The following MYADM variants were observed in gnomAD, a reference collection of about 807,000 sequenced individuals.
MYADM encodes the protein myeloid associated differentiation marker.
For synonymous variants in MYADM, 224 were observed against 210.2 expected, an observed-to-expected ratio of 1.07 and a Z score of -0.57; for missense variants, 416 against 443.4, an observed-to-expected ratio of 0.94 and a Z score of 0.56.
Position 53,876,397 on chromosome 19 carries a change from G to C in MYADM, c.*1899G>C, listed in dbSNP as rs2068539237. 6.0e-6 allele frequency: 1 copy of C among 166,356 alleles called. No homozygotes were observed. 10.3% of individuals were successfully genotyped at this position (166,356 alleles called of 1,614,324 possible). Reference sequence around the variant, plus strand: ...CTTCCCCCATTCCCGTATCCATCATGTTCTTTTTCTTTTAAATATCAATAT... The same window carrying C: ...CTTCCCCCATTCCCGTATCCATCATCTTCTTTTTCTTTTAAATATCAATAT... On this transcript the variant is annotated 3_prime_UTR_variant, in exon 3 of 3. Coordinates refer to ENST00000391770, the MANE Select transcript of MYADM (RefSeq NM_138373.5).
chr19:53,869,404 G>A (rs888184317), intron 1 of MYADM: 5 of 152,276 alleles, frequency 3.3e-5, no homozygotes, highest in Admixed American at 2.6e-4. Flanking sequence ...CCAGATGCCT[G>A]GGCCGACTCG....
At position 53,874,659 on chromosome 19, in the gene MYADM, A is replaced by G. The variant is rs1355059702; in HGVS notation, c.*161A>G. 2 of 735,206 alleles carry G rather than the reference A, an allele frequency of 2.7e-6. No homozygotes were observed. The highest frequency in any genetic ancestry group is 6.1e-5 in the East Asian group (2 of 32,540). 45.5% of individuals were successfully genotyped at this position (735,206 alleles called of 1,614,324 possible). ...TTCCTTCCCAATTCCTTGCACTCTA[A>G]CCAGTTCTTGGATGCATCTTCTTCC... is the stretch of plus-strand genomic sequence containing the variant. On this transcript the variant is annotated 3_prime_UTR_variant, in exon 3 of 3. Coordinates refer to ENST00000391770, the MANE Select transcript of MYADM (RefSeq NM_138373.5).
chr19:53,871,186 G>A (rs760224003), intron 2 of MYADM, among the ~76,000 whole-genome samples: 1 of 152,252 alleles, frequency 6.6e-6, no homozygotes, highest in South Asian at 2.1e-4. Context: ...AGTCAAGATC[G>A]CACCATTGCA....
Position 53,875,555 on chromosome 19 carries a change from A to AG in MYADM, c.*1057_*1058insG, listed in dbSNP as rs1486594961. The AG allele has an allele frequency of 1.2e-5, 2 of 162,738 alleles. No individual in the cohort carries two copies. Among genetic ancestry groups the AG allele is most frequent in the Admixed American group, 1.3e-4 (2 of 15,022 alleles). The allele number at this position is 162,738 out of a possible 1,614,324, so 10.1% of individuals were successfully genotyped here. On this transcript the variant is annotated 3_prime_UTR_variant, in exon 3 of 3. Coordinates refer to ENST00000391770, the MANE Select transcript of MYADM (RefSeq NM_138373.5). Reference sequence around the variant, plus strand: ...GGTATCAAAAAGAAAAAAAAAAAAAAAGAAGGAGTCGGGGCCGGGCGTGGT... The same window carrying AG: ...GGTATCAAAAAGAAAAAAAAAAAAAAGAGAAGGAGTCGGGGCCGGGCGTGGT...
Position 53,868,598 on chromosome 19 carries a change from C to G in MYADM, c.-88+655C>G, listed in dbSNP as rs1036631881. 6.6e-6 allele frequency among the ~76,000 whole-genome samples: 1 copy of G among 152,154 alleles called. No individual in the cohort carries two copies. The highest frequency in any genetic ancestry group is 1.5e-5 in the Non-Finnish European group (1 of 68,016). On this transcript the variant is annotated intron_variant, in intron 1 of 2. Coordinates refer to ENST00000391770, the MANE Select transcript of MYADM (RefSeq NM_138373.5). The surrounding 1 kb of genome is among the most constrained non-coding windows in gnomAD (Gnocchi z 6.3). ...GCTGGGAAAGGAGGAGAAGACAGGG[C>G]TGCGTCCCGCACCTCTGGGTGCCGA...
Position 53,873,731 on chromosome 19 carries a change from T to G in MYADM, c.202T>G (p.Ser68Ala). Residue 68 changes from serine to alanine, a missense_variant, in exon 3 of 3, where the codon TCC (serine) becomes GCC (alanine). By Grantham distance (99) the Ser-to-Ala change is moderately conservative (BLOSUM62 1). Coordinates refer to ENST00000391770, the MANE Select transcript of MYADM (RefSeq NM_138373.5). This position sits in a 1 kb window ranked among gnomAD's most constrained non-coding sequence, Gnocchi z 4.3. ...CTGGACGGGGTCCATGGGCAACTGG[T>G]CCATGTTCACCTGGTGCTTCTGCTT... The part of the protein sequence containing the change: ...GAWTGSMGNW[S>A]MFTWCFCFSV... The G allele has an allele frequency of 6.2e-7, 1 of 1,614,048 alleles. No homozygotes were observed. The highest frequency in any genetic ancestry group is 8.5e-7 in the Non-Finnish European group (1 of 1,180,026).
rs2068445624 is a variant in MYADM at position 53,873,723 on chromosome 19, G to C, written c.194G>C (p.Gly65Ala). ...GTGGGCGCCTGGACGGGGTCCATGG[G>C]CAACTGGTCCATGTTCACCTGGTGC... is the stretch of plus-strand genomic sequence containing the variant. Reference protein sequence around the residue: ...ASVGAWTGSMGNWSMFTWCFC... With the variant: ...ASVGAWTGSMANWSMFTWCFC... The change falls in exon 3 of 3, where the codon GGC (glycine) becomes GCC (alanine). Residue 65 changes from glycine (G) to alanine (A), a missense_variant. By Grantham distance (60) the Gly-to-Ala change is moderately conservative. Transcript: ENST00000391770. This position sits in a 1 kb window ranked among gnomAD's most constrained non-coding sequence, Gnocchi z 4.3. 6.2e-7 allele frequency: 1 copy of C among 1,613,946 alleles called. No homozygotes were observed. The highest frequency in any genetic ancestry group is 8.5e-7 in the Non-Finnish European group (1 of 1,180,044).
rs1010180179 is a variant in MYADM at position 53,875,517 on chromosome 19, A to G, written c.*1019A>G. 5 of 165,548 alleles carry G rather than the reference A, an allele frequency of 3.0e-5. No homozygotes were observed. The highest frequency in any genetic ancestry group is 5.9e-5 in the Non-Finnish European group (4 of 67,840). 10.3% of individuals were successfully genotyped at this position (165,548 alleles called of 1,614,324 possible). A position where few individuals can be genotyped will look rare whatever the true frequency, so the allele number is the denominator to read the frequency against. On this transcript the variant is annotated 3_prime_UTR_variant, in exon 3 of 3. Transcript: ENST00000391770. ...GCAGGGGCTGGATGCCTTTCATCCC[A>G]ACTATTCTCTGTGGTATCAAAAAGA...
chr19:53,866,796 A>G (rs546436610), upstream of MYADM, among the ~76,000 whole-genome samples: 1 of 152,262 alleles, frequency 6.6e-6, no homozygotes, highest in Admixed American at 6.5e-5. The surrounding 1 kb of genome is among the most constrained non-coding windows in gnomAD (Gnocchi z 4.3). Context: ...GGAAAACCCG[A>G]GTCTGAGCTT....
intron 2 of MYADM, among the ~76,000 whole-genome samples, chr19:53,870,193 T>C (rs1156359439): frequency 2.0e-5 from 1 of 49,102 alleles, no homozygotes; most frequent in African/African-American, 8.8e-5. Context: ...GGGGCTGGGG[T>C]CTGGACTCCT....
At position 53,874,551 on chromosome 19, in the gene MYADM, C is replaced by T. The variant is rs1599927419; in HGVS notation, c.*53C>T. The T allele has an allele frequency of 1.2e-5, 18 of 1,509,314 alleles. No homozygotes were observed. Among genetic ancestry groups the T allele is most frequent in the Middle Eastern group, 2.2e-4 (1 of 4,572 alleles). The allele number at this position is 1,509,314 out of a possible 1,614,324, so 93.5% of individuals were successfully genotyped here. A position where few individuals can be genotyped will look rare whatever the true frequency, so the allele number is the denominator to read the frequency against. ...CTCCAACCTCTTTGTTCTTCTTGCC[C>T]GAGTTTTCTTTATGGAGTACTTCTT... On this transcript the variant is annotated 3_prime_UTR_variant, in exon 3 of 3. Coordinates refer to ENST00000391770, the MANE Select transcript of MYADM (RefSeq NM_138373.5).
At position 53,874,585 on chromosome 19, in the gene MYADM, CTTTCCTCTGT is replaced by C; in HGVS notation, c.*96_*105del. 3 of 1,449,532 alleles carry C rather than the reference CTTTCCTCTGT, an allele frequency of 2.1e-6. No individual in the cohort carries two copies. The highest frequency in any genetic ancestry group is 1.5e-5 in the South Asian group (1 of 68,030). The allele number at this position is 1,449,532 out of a possible 1,614,324, so 89.8% of individuals were successfully genotyped here. A position where few individuals can be genotyped will look rare whatever the true frequency, so the allele number is the denominator to read the frequency against. ...TTTATGGAGTACTTCTTTCCTCCGC[CTTTCCTCTGT>C]TTTCCTCTTCCTGTCTCCCCTCCCT... is the stretch of plus-strand genomic sequence containing the variant. On this transcript the variant is annotated 3_prime_UTR_variant, in exon 3 of 3. Transcript: ENST00000391770.
At chr19:53,872,083 G>T (rs989465868) in intron 2 of MYADM, among the ~76,000 whole-genome samples, 1 of 151,958 alleles carries the variant, frequency 6.6e-6, no homozygotes, top group African/African-American at 2.4e-5. Context: ...ATTTTTAGTA[G>T]AGACGGGGTT....
At chr19:53,869,900 C>T (rs1237656572) in intron 2 of MYADM, 62 bp downstream of exon 2, 2 of 149,266 alleles carry the variant, frequency 1.3e-5, no homozygotes, top group African/African-American at 5.2e-5. Flanking sequence ...GGCCTGGACT[C>T]CGGGGTCCGA....
chr19:53,867,719 T>TG (rs894890146), upstream of MYADM, among the ~76,000 whole-genome samples: 5 of 152,034 alleles, frequency 3.3e-5, no homozygotes, highest in South Asian at 2.1e-4. Flanking sequence ...ACTTTTACTC[T>TG]GGGGGGCGTG....
Position 53,868,189 on chromosome 19 carries a change from G to T in MYADM, c.-88+246G>T, listed in dbSNP as rs529872516. On this transcript the variant is annotated intron_variant, in intron 1 of 2. Transcript: ENST00000391770. This position sits in a 1 kb window ranked among gnomAD's most constrained non-coding sequence, Gnocchi z 6.3. ...GGAGGGGCTGGGGGTCTGGACTCCC[G>T]GGTCCGAGGCAGGAGGGGCTGGGGG... Among the ~76,000 whole-genome samples the T allele has an allele frequency of 6.6e-6, 1 of 151,368 alleles. No homozygotes were observed. Among genetic ancestry groups the T allele is most frequent in the Admixed American group, 6.6e-5 (1 of 15,198 alleles).
chr19:53,875,360 A>G lies in MYADM; in HGVS notation c.*862A>G, dbSNP rs1363544309. 2 of 166,670 alleles carry G rather than the reference A, an allele frequency of 1.2e-5. No individual in the cohort carries two copies. Among genetic ancestry groups the G allele is most frequent in the African/African-American group, 2.4e-5 (1 of 41,324 alleles). 10.3% of individuals were successfully genotyped at this position (166,670 alleles called of 1,614,324 possible). A position where few individuals can be genotyped will look rare whatever the true frequency, so the allele number is the denominator to read the frequency against. On this transcript the variant is annotated 3_prime_UTR_variant, in exon 3 of 3. Coordinates refer to ENST00000391770, the MANE Select transcript of MYADM (RefSeq NM_138373.5). ...TATATTTGGAGGTCAGTAATTTCCA[A>G]TGGGCGGGAGGCTTTAAGCACCGAC...
Position 53,868,281 on chromosome 19 carries a change from A to C in MYADM, c.-88+338A>C, listed in dbSNP as rs1357061260. On this transcript the variant is annotated intron_variant, in intron 1 of 2. Coordinates refer to ENST00000391770, the MANE Select transcript of MYADM (RefSeq NM_138373.5). The surrounding 1 kb of genome is among the most constrained non-coding windows in gnomAD (Gnocchi z 6.3). Reference sequence around the variant, plus strand: ...GGACTCCTGGGTCTGAGGGAGGAGGAGCTGGGCCTGGACTCCTGAGTCTGA... The same window carrying C: ...GGACTCCTGGGTCTGAGGGAGGAGGCGCTGGGCCTGGACTCCTGAGTCTGA... Among the ~76,000 whole-genome samples, 1 of 146,530 alleles carries C rather than the reference A, an allele frequency of 6.8e-6. No homozygotes were observed. The highest frequency in any genetic ancestry group is 2.6e-5 in the African/African-American group (1 of 38,804).
rs779848283 is a variant in MYADM, at chr19:53,874,625, C to T, written c.*127C>T. On this transcript the variant is annotated 3_prime_UTR_variant, in exon 3 of 3. Coordinates refer to ENST00000391770, the MANE Select transcript of MYADM (RefSeq NM_138373.5). Reference sequence around the variant, plus strand: ...CTCTTCCTGTCTCCCCTCCCTCCCACCTTTTTCTTTCCTTCCCAATTCCTT... The same window carrying T: ...CTCTTCCTGTCTCCCCTCCCTCCCATCTTTTTCTTTCCTTCCCAATTCCTT... 6.1e-6 allele frequency: 7 copies of T among 1,138,992 alleles called. No individual in the cohort carries two copies. The highest frequency in any genetic ancestry group is 2.9e-5 in the Admixed American group (1 of 33,976). The allele number at this position is 1,138,992 out of a possible 1,614,324, so 70.6% of individuals were successfully genotyped here. A position where few individuals can be genotyped will look rare whatever the true frequency, so the allele number is the denominator to read the frequency against.
Sources: gnomAD v4.1 joint callset for allele counts (sites outside exome capture counted in the v4.1 genomes callset) on GRCh38, gnomAD v4.1.1 for gene constraint, Gnocchi (gnomAD v3.1) non-coding constraint, MANE v1.5 for transcripts, NCBI Gene and HGNC (gene_info 2026-07-23, HGNC 2026-07-21) for gene names.